THAP4: variants seen among roughly 807,000 people sequenced by gnomAD.
THAP4 encodes THAP domain containing 4.
Under a neutral mutation model 48.1 loss-of-function variants are expected in THAP4, and 18 were observed. The observed-to-expected ratio is 0.37, with a 90% confidence interval of 0.26 to 0.56. The LOEUF (loss-of-function observed/expected upper bound fraction) is 0.56, where lower values mean the gene tolerates loss of function less well. Ranked by LOEUF, THAP4 falls within the 20% of genes least tolerant of loss-of-function variation. THAP4 has a pLI of 0.78. For synonymous variants in THAP4, 345 were observed against 324.9 expected (o/e 1.06, Z -0.66); for missense variants, 656 against 774.9 (o/e 0.85, Z 1.82).
chr2:241,611,265 C>T (rs894948944), intron 2 of THAP4, among the ~76,000 whole-genome samples: 2 of 152,116 alleles, frequency 1.3e-5, no homozygotes, highest in African/African-American at 2.4e-5. Context: ...TCTTCTGGCC[C>T]CCGCTCTGCC....
At chr2:241,588,454 G>A (rs1276288876) in intron 5 of THAP4, among the ~76,000 whole-genome samples, 1 of 152,164 alleles carries the variant, frequency 6.6e-6, no homozygotes, top group Non-Finnish European at 1.5e-5. Context: ...GAAATGCAAA[G>A]GGTCCTAGGA....
intron 5 of THAP4, among the ~76,000 whole-genome samples, chr2:241,599,392 G>A (rs2067086424): frequency 6.6e-6 from 1 of 152,146 alleles, no homozygotes; most frequent in South Asian, 2.1e-4. Context: ...TTCTATCCAT[G>A]CTGTGCCTAA....
intron 5 of THAP4, among the ~76,000 whole-genome samples, chr2:241,596,324 T>C (rs1439380814): frequency 2.6e-5 from 4 of 151,114 alleles, no homozygotes; most frequent in Non-Finnish European, 4.4e-5. Flanking sequence ...CTGGCCAACA[T>C]GGTGAAACCC....
chr2:241,607,479 G>C (rs2067197779), intron 2 of THAP4, among the ~76,000 whole-genome samples: 1 of 151,830 alleles, frequency 6.6e-6, no homozygotes. Flanking sequence ...CTGATCCCCA[G>C]AGGCAATCCC....
chr2:241,620,041 GGAGT>G (rs1236334936), intron 2 of THAP4, among the ~76,000 whole-genome samples: 1 of 95,840 alleles, frequency 1.0e-5, no homozygotes, highest in Non-Finnish European at 2.1e-5. Flanking sequence ...TGGTGAGTGA[GGAGT>G]GAGTGAGGGG....
chr2:241,631,485 T>A (rs2067560491), intron 2 of THAP4, among the ~76,000 whole-genome samples: 1 of 152,226 alleles, frequency 6.6e-6, no homozygotes, highest in Middle Eastern at 3.2e-3. Flanking sequence ...TTTTGTTTTT[T>A]GAGACAGGGT....
intron 1 of THAP4, among the ~76,000 whole-genome samples, chr2:241,634,406 G>T (rs988148597): frequency 6.6e-6 from 1 of 152,172 alleles, no homozygotes. Flanking sequence ...GATGGCCTCA[G>T]GACAGCAGGA....
At chr2:241,624,504 C>A (rs2067472879) in intron 2 of THAP4, among the ~76,000 whole-genome samples, 1 of 151,092 alleles carries the variant, frequency 6.6e-6, no homozygotes, top group African/African-American at 2.4e-5. Flanking sequence ...AAAAAAGATA[C>A]AAATAAACAG....
In THAP4 at chr2:241,623,043, C is replaced by T. The variant is rs570563123; in HGVS notation, c.1240+9874G>A. Among the ~76,000 whole-genome samples, 14 of 151,780 alleles carry T rather than the reference C, an allele frequency of 9.2e-5. No homozygotes were observed. The South Asian group carries it at 2.9e-3, about 32-fold the overall frequency. On this transcript the variant is annotated intron_variant, in intron 2 of 5. Transcript: ENST00000407315. ...CCACCCTGGCCAACATGGTGAAACC[C>T]CGTCTCTACTAAAAATACAAAAATT...
intron 1 of THAP4, among the ~76,000 whole-genome samples, chr2:241,636,469 T>C (rs2067658746): frequency 6.6e-6 from 1 of 152,040 alleles, no homozygotes; most frequent in Non-Finnish European, 1.5e-5. Flanking sequence ...GGCCGTCCCG[T>C]AGACTCTCCG....
chr2:241,624,956 G>A (rs75495559), intron 2 of THAP4, among the ~76,000 whole-genome samples: 2,795 of 152,120 alleles, frequency 0.018, 117 homozygotes, highest in East Asian at 0.16. Context: ...CCATATTCTG[G>A]GGCAGAGACT....
At chr2:241,605,388 C>T (rs913599144) in intron 3 of THAP4, among the ~76,000 whole-genome samples, 4 of 152,098 alleles carry the variant, frequency 2.6e-5, no homozygotes, top group African/African-American at 9.7e-5. Context: ...GGAGGGTTTG[C>T]TTTTTATATT....
rs1054434298 is a variant in THAP4, at chr2:241,612,972, G to A, written c.1241-6499C>T. 6.6e-6 allele frequency among the ~76,000 whole-genome samples: 1 copy of A among 152,180 alleles called. No homozygotes were observed. Among genetic ancestry groups the A allele is most frequent in the East Asian group, 1.9e-4 (1 of 5,198 alleles). On this transcript the variant is annotated intron_variant, in intron 2 of 5. Coordinates refer to ENST00000407315, the MANE Select transcript of THAP4 (RefSeq NM_015963.6). The surrounding 1 kb of genome is among the most constrained non-coding windows in gnomAD (Gnocchi z 4.1). ...ATAATTCAATAATCTTATAGTATGG[G>A]TGGTTGCCTGTTGAAATAATTTTTA...
chr2:241,633,353 G>T lies in THAP4; in HGVS notation c.804C>A (p.Ser268Arg). 1 of 1,612,976 alleles carries T rather than the reference G, an allele frequency of 6.2e-7. No homozygotes were observed. Residue 268 changes from serine to arginine, a missense_variant, in exon 2 of 6, where the codon AGC becomes AGA. This residue lies in a region of THAP4 where 391 missense variants were observed against 412.4 expected (regional missense o/e 0.95). Coordinates refer to ENST00000407315, the MANE Select transcript of THAP4 (RefSeq NM_015963.6). This position sits in a 1 kb window ranked among gnomAD's most constrained non-coding sequence, Gnocchi z 7.5. ...CGGGTCCCAGGCTGCTCCCACTGCA[G>T]CTTGGTTCCACATCTTTCTTCAGCC... Reference protein sequence around the residue: ...RKRLKKDVEPSCSGSSLGPDK... With the variant: ...RKRLKKDVEPRCSGSSLGPDK...
rs538198630 is a variant in THAP4, at chr2:241,612,333, C to T, written c.1241-5860G>A. Among the ~76,000 whole-genome samples, 1 of 152,276 alleles carries T rather than the reference C, an allele frequency of 6.6e-6. No homozygotes were observed. The highest frequency in any genetic ancestry group is 2.4e-5 in the African/African-American group (1 of 41,546). On this transcript the variant is annotated intron_variant, in intron 2 of 5. Coordinates refer to ENST00000407315, the MANE Select transcript of THAP4 (RefSeq NM_015963.6). This position sits in a 1 kb window ranked among gnomAD's most constrained non-coding sequence, Gnocchi z 4.1. ...ACGCCTGGCACACTGCTGATGGGGACGTGAACTGGCACAGCCTAGTGAAGA... is the reference window on the plus strand; with the variant it reads ...ACGCCTGGCACACTGCTGATGGGGATGTGAACTGGCACAGCCTAGTGAAGA...
At chr2:241,622,216 G>A (rs941980686) in intron 2 of THAP4, among the ~76,000 whole-genome samples, 1 of 151,990 alleles carries the variant, frequency 6.6e-6, no homozygotes, top group East Asian at 1.9e-4. Context: ...CTAAAAATAC[G>A]ACACTGGGGC....
chr2:241,607,086 G>T (rs2067193636), intron 2 of THAP4, among the ~76,000 whole-genome samples: 1 of 152,122 alleles, frequency 6.6e-6, no homozygotes, highest in African/African-American at 2.4e-5. Flanking sequence ...CCCTGAGGAG[G>T]GGCTGGGGCT....
intron 5 of THAP4, among the ~76,000 whole-genome samples, chr2:241,588,067 AAAAT>A (rs1158208337): frequency 1.3e-5 from 2 of 152,124 alleles, no homozygotes; most frequent in Non-Finnish European, 2.9e-5. Context: ...GAAAAGAAGA[AAAAT>A]AAAGAAACAA....
intron 2 of THAP4, among the ~76,000 whole-genome samples, chr2:241,631,890 TTTC>T (rs1400747583): frequency 6.0e-4 from 91 of 151,912 alleles, no homozygotes; most frequent in East Asian, 6.0e-3. Context: ...ATGTATTGTA[TTTC>T]TTTTTTTTTT....
Sources: allele counts gnomAD v4.1 joint callset (sites outside exome capture counted in the v4.1 genomes callset), GRCh38; gene constraint gnomAD v4.1.1; regional missense constraint gnomAD v4.1.1; non-coding constraint Gnocchi (gnomAD v3.1); transcripts MANE v1.5; gene names NCBI Gene and HGNC (gene_info 2026-07-23, HGNC 2026-07-21).